Variants in SPIN1 observed in about 807,000 individuals in gnomAD.
SPIN1 encodes spindlin-1.
In SPIN1, 3 loss-of-function variants were observed where a neutral mutation model predicts 26.0. The observed-to-expected ratio is 0.12, with a 90% CI of 0.05 to 0.30. The LOEUF (loss-of-function observed/expected upper bound fraction) is 0.30, where lower values mean the gene tolerates loss of function less well. Ranked by LOEUF, SPIN1 falls within the 10% of genes least tolerant of loss-of-function variation. The pLI, the probability that SPIN1 is intolerant of heterozygous loss-of-function variation, is 1.00. For synonymous variants in SPIN1, 101 were observed against 116.5 expected, an observed-to-expected ratio of 0.87 and a Z score of 0.86; for missense variants, 126 against 333.4, an observed-to-expected ratio of 0.38 and a Z score of 4.84.
At chr9:88,437,489 C>T (rs1484146251) in intron 2 of SPIN1, among the ~76,000 whole-genome samples, 1 of 150,488 alleles carries the variant, frequency 6.6e-6, no homozygotes, top group Non-Finnish European at 1.5e-5. Flanking sequence ...CAGAGTAAGA[C>T]CCTGTCTCAA....
intron 1 of SPIN1, among the ~76,000 whole-genome samples, chr9:88,393,445 GTTTTTT>G (rs57244433): frequency 0.018 from 1,571 of 88,384 alleles, 38 homozygotes; most frequent in African/African-American, 0.08. Flanking sequence ...TTGCTTTTGG[GTTTTTT>G]TTTTTTTTTT....
chr9:88,444,930 G>A (rs1325769203), intron 2 of SPIN1, among the ~76,000 whole-genome samples: 3 of 152,088 alleles, frequency 2.0e-5, no homozygotes, highest in Non-Finnish European at 4.4e-5. Context: ...TCCTGACCTC[G>A]TGATCCGCCC....
At chr9:88,420,769 G>A (rs1270490818) in intron 1 of SPIN1, among the ~76,000 whole-genome samples, 1 of 152,154 alleles carries the variant, frequency 6.6e-6, no homozygotes, top group African/African-American at 2.4e-5. Context: ...AAACAGTGTA[G>A]GTAAAGAGGC....
At position 88,476,598 on chromosome 9, in the gene SPIN1, T is replaced by C. The variant is rs1045661069; in HGVS notation, c.*1321T>C. ...GCGTTACCATAGAAGAGCCAGCCGT[T>C]TGTGTTCGCTTGGTAGGTGTAAGTA... On this transcript the variant is annotated 3_prime_UTR_variant, in exon 6 of 6. Transcript: ENST00000375859. The C allele has an allele frequency of 6.6e-6, 1 of 152,196 alleles. No individual in the cohort carries two copies. The highest frequency in any genetic ancestry group is 1.5e-5 in the Non-Finnish European group (1 of 68,058). 9.4% of individuals were successfully genotyped at this position (152,196 alleles called of 1,614,324 possible).
chr9:88,466,583 C>G (rs1020668786), intron 4 of SPIN1, among the ~76,000 whole-genome samples: 4 of 152,006 alleles, frequency 2.6e-5, no homozygotes, highest in African/African-American at 4.8e-5. Flanking sequence ...ATTATTACTG[C>G]GTACTTAAAA....
chr9:88,407,576 C>G (rs1179689609), intron 1 of SPIN1, among the ~76,000 whole-genome samples: 1 of 151,448 alleles, frequency 6.6e-6, no homozygotes, highest in Non-Finnish European at 1.5e-5. Flanking sequence ...TTTGGGAGGC[C>G]AAGGCAAGAG....
intron 1 of SPIN1, chr9:88,415,609 A>G (rs533422736): frequency 2.0e-5 from 3 of 152,196 alleles, no homozygotes; most frequent in South Asian, 4.1e-4. Context: ...TTTTATAGCA[A>G]TGAGGTCTTA....
At chr9:88,471,614 C>CA (rs1408708125) in intron 5 of SPIN1, among the ~76,000 whole-genome samples, 1 of 117,984 alleles carries the variant, frequency 8.5e-6, no homozygotes, top group Admixed American at 1.2e-4. Flanking sequence ...AAGACCGCAC[C>CA]ATTGCACTCC....
intron 1 of SPIN1, among the ~76,000 whole-genome samples, chr9:88,391,201 GATAAA>G (rs1489817435): frequency 1.3e-5 from 2 of 152,060 alleles, no homozygotes; most frequent in African/African-American, 4.8e-5. Flanking sequence ...ATAGATCTCT[GATAAA>G]TTATTGGTGG....
chr9:88,445,939 CTAAG>C (rs1341620811), intron 2 of SPIN1, among the ~76,000 whole-genome samples: 1 of 152,104 alleles, frequency 6.6e-6, no homozygotes, highest in African/African-American at 2.4e-5. Context: ...TAAATGTCAA[CTAAG>C]TAAGGTTGGT....
Position 88,477,188 on chromosome 9 carries a change from C to T in SPIN1, c.*1911C>T, listed in dbSNP as rs1164617277. ...TTTTCCTGTTGACTCTTAAGAGTCC[C>T]TGCATGTAAATCTCAAAGCTGAGCC... is the stretch of plus-strand genomic sequence containing the variant. On this transcript the variant is annotated 3_prime_UTR_variant, in exon 6 of 6. Coordinates refer to ENST00000375859, the MANE Select transcript of SPIN1 (RefSeq NM_006717.3). 6.6e-6 allele frequency: 1 copy of T among 152,200 alleles called. No individual in the cohort carries two copies. The highest frequency in any genetic ancestry group is 2.4e-5 in the African/African-American group (1 of 41,446). 9.4% of individuals were successfully genotyped at this position (152,200 alleles called of 1,614,324 possible).
chr9:88,404,154 C>T (rs1333007831), intron 1 of SPIN1, among the ~76,000 whole-genome samples: 1 of 152,102 alleles, frequency 6.6e-6, no homozygotes, highest in Non-Finnish European at 1.5e-5. Context: ...CAGAAATGGT[C>T]CACCTGTATT....
intron 1 of SPIN1, among the ~76,000 whole-genome samples, chr9:88,397,867 G>A (rs947922979): frequency 1.3e-5 from 2 of 151,578 alleles, no homozygotes; most frequent in Non-Finnish European, 2.9e-5. Flanking sequence ...CAAGTGATCT[G>A]CCCTCCTCTG....
At chr9:88,451,327 G>C (rs2118143491) in intron 3 of SPIN1, among the ~76,000 whole-genome samples, 1 of 152,290 alleles carries the variant, frequency 6.6e-6, no homozygotes, top group Middle Eastern at 3.4e-3. Context: ...GTGAGCAATA[G>C]CACCTGTCCC....
chr9:88,437,757 A>T (rs1222721483), intron 2 of SPIN1, among the ~76,000 whole-genome samples: 1 of 152,174 alleles, frequency 6.6e-6, no homozygotes, highest in Non-Finnish European at 1.5e-5. Context: ...TTTCAATTGT[A>T]GTGATTTCTG....
At chr9:88,460,604 G>A (rs931114935) in intron 3 of SPIN1, among the ~76,000 whole-genome samples, 6 of 152,216 alleles carry the variant, frequency 3.9e-5, no homozygotes, top group African/African-American at 7.2e-5. Context: ...TCATTCTGCA[G>A]GTCTAGAACC....
chr9:88,410,508 C>T (rs1198954136), intron 1 of SPIN1: 4 of 781,258 alleles, frequency 5.1e-6, no homozygotes, highest in African/African-American at 3.4e-5. Flanking sequence ...TTCTCCTCTC[C>T]TGCTAAGCTT....
intron 2 of SPIN1, among the ~76,000 whole-genome samples, chr9:88,427,235 T>C (rs1451426375): frequency 6.6e-6 from 1 of 152,196 alleles, no homozygotes; most frequent in East Asian, 1.9e-4. Flanking sequence ...TAGGGTTCTT[T>C]GACAAATGAA....
intron 1 of SPIN1, among the ~76,000 whole-genome samples, chr9:88,419,178 A>G (rs1298321081): frequency 6.6e-6 from 1 of 151,904 alleles, no homozygotes; most frequent in Non-Finnish European, 1.5e-5. Flanking sequence ...AGCCTTTCCT[A>G]CCCTCATTCC....
Sources: allele counts gnomAD v4.1 joint callset (sites outside exome capture counted in the v4.1 genomes callset), GRCh38; gene constraint gnomAD v4.1.1; transcripts MANE v1.5; gene names NCBI Gene and HGNC (gene_info 2026-07-23, HGNC 2026-07-21).